Variants in ZNF697 observed in about 807,000 individuals in gnomAD.
ZNF697 encodes the protein zinc finger protein 697.
A neutral mutation model predicts 32.4 loss-of-function variants in ZNF697; 23 were observed. The ratio of observed to expected loss-of-function variants is 0.71; its 90% CI spans 0.51 to 1.01. The LOEUF is 1.01. Among genes scored for constraint, ZNF697 ranks in the 50% least tolerant of loss-of-function variants. The pLI is 0.00. For synonymous variants in ZNF697, 418 were observed against 337.2 expected (o/e 1.24, Z -2.62); for missense variants, 930 against 794.0 (o/e 1.17, Z -2.06).
chr1:119,623,759 C>G lies in ZNF697; in HGVS notation c.584G>C (p.Gly195Ala). Residue 195 changes from glycine (G) to alanine (A), a missense_variant, in exon 3 of 3, where the codon GGG (glycine) becomes GCG (alanine). Transcript: ENST00000421812. ...MDAPTICPDC[G>A]ESFSPGAAFL... The stretch of plus-strand genomic sequence containing the variant: ...GGCGGCGCCAGGACTGAAGCTCTCC[C>G]CGCAGTCGGGGCAGATGGTGGGCGC... 6.5e-7 allele frequency: 1 copy of G among 1,542,372 alleles called. No homozygotes were observed. The highest frequency in any genetic ancestry group is 1.2e-5 in the South Asian group (1 of 83,956).
In ZNF697 at chr1:119,648,171, G is replaced by A. The variant is rs1480618281; in HGVS notation, c.-518C>T. 1.3e-5 allele frequency among the ~76,000 whole-genome samples: 2 copies of A among 149,710 alleles called. No homozygotes were observed. Among genetic ancestry groups the A allele is most frequent in the Non-Finnish European group, 3.0e-5 (2 of 66,956 alleles). ...CCCTTGTGCGGCGGCGGCGGCTGCA[G>A]CGGCCGCTGGGTGGCCCGCTGGCTG... On this transcript the variant is annotated 5_prime_UTR_variant, in exon 1 of 3. Coordinates refer to ENST00000421812, the MANE Select transcript of ZNF697 (RefSeq NM_001080470.2).
rs1352882018 is a variant in ZNF697, at chr1:119,620,056, G to C, written c.*2649C>G. The C allele has an allele frequency of 6.6e-6, 1 of 152,594 alleles. No individual in the cohort carries two copies. The highest frequency in any genetic ancestry group is 2.1e-4 in the South Asian group (1 of 4,820). 9.5% of individuals were successfully genotyped at this position (152,594 alleles called of 1,614,324 possible). On this transcript the variant is annotated 3_prime_UTR_variant, in exon 3 of 3. Transcript: ENST00000421812. ...AATGCATTTAACCTCACTTAATGCA[G>C]GTAAGTTCCCTGAAGAATTGTAAGA...
chr1:119,620,565 A>G lies in ZNF697; in HGVS notation c.*2140T>C, dbSNP rs1325723892. Reference sequence around the variant, plus strand: ...GTCTAATATGTTTAGTATTCAGATTACAAATCAGAATTCAAAACGGACACT... The same window carrying G: ...GTCTAATATGTTTAGTATTCAGATTGCAAATCAGAATTCAAAACGGACACT... On this transcript the variant is annotated 3_prime_UTR_variant, in exon 3 of 3. Coordinates refer to ENST00000421812, the MANE Select transcript of ZNF697 (RefSeq NM_001080470.2). The G allele has an allele frequency of 6.5e-6, 1 of 152,682 alleles. No homozygotes were observed. Among genetic ancestry groups the G allele is most frequent in the Non-Finnish European group, 1.5e-5 (1 of 68,042 alleles). 9.5% of individuals were successfully genotyped at this position (152,682 alleles called of 1,614,324 possible).
At chr1:119,625,778 C>A (rs2101081160) in intron 2 of ZNF697, 97 bp downstream of exon 2, 1 of 1,486,714 alleles carries the variant, frequency 6.7e-7, no homozygotes, top group East Asian at 2.4e-5. Context: ...CTATGGAACT[C>A]CCTTACAGAG....
At chr1:119,640,057 A>C (rs1188808401) in intron 1 of ZNF697, among the ~76,000 whole-genome samples, 2 of 152,206 alleles carry the variant, frequency 1.3e-5, no homozygotes, top group Non-Finnish European at 2.9e-5. Context: ...ACTTTGTATG[A>C]CTTAAGATAC....
At position 119,625,992 on chromosome 1, in the gene ZNF697, T is replaced by G; in HGVS notation, c.109A>C (p.Arg37=). The change falls in exon 2 of 3, where the codon AGA becomes CGA. Residue 37 remains arginine (R), a synonymous_variant. Transcript: ENST00000421812. The part of the protein sequence containing the change: ...SEDREGDPEE[R]EMGSNPHDTN... ...TCATGTGGATTAGAGCCCATTTCTC[T>G]TTCTTCTGGGTCCCCTTCCCTGTCC... 6.2e-7 allele frequency: 1 copy of G among 1,614,048 alleles called. No individual in the cohort carries two copies. The highest frequency in any genetic ancestry group is 8.5e-7 in the Non-Finnish European group (1 of 1,179,904).
intron 1 of ZNF697, among the ~76,000 whole-genome samples, chr1:119,646,758 G>A (rs1346332213): frequency 6.6e-6 from 1 of 152,136 alleles, no homozygotes; most frequent in Non-Finnish European, 1.5e-5. Context: ...ATCAGGTGAG[G>A]GGAGAAAGGA....
rs1307563215 is a variant in ZNF697, at chr1:119,623,770, G to C, written c.573C>G (p.Cys191Trp). 1 of 1,544,258 alleles carries C rather than the reference G, an allele frequency of 6.5e-7. No individual in the cohort carries two copies. Among genetic ancestry groups the C allele is most frequent in the Non-Finnish European group, 8.7e-7 (1 of 1,146,536 alleles). Residue 191 changes from cysteine to tryptophan, a missense_variant, in exon 3 of 3, where the codon TGC (cysteine) becomes TGG (tryptophan). Transcript: ENST00000421812. The stretch of plus-strand genomic sequence containing the variant: ...GACTGAAGCTCTCCCCGCAGTCGGG[G>C]CAGATGGTGGGCGCGTCCATGATGC... Reference protein sequence around the residue: ...VASIMDAPTICPDCGESFSPG... With the variant: ...VASIMDAPTIWPDCGESFSPG...
intron 1 of ZNF697, among the ~76,000 whole-genome samples, chr1:119,639,807 G>A (rs1481941979): frequency 1.3e-5 from 2 of 151,492 alleles, no homozygotes; most frequent in Admixed American, 6.6e-5. Flanking sequence ...GTGCCCAGAA[G>A]GTATTCACAC....
chr1:119,640,165 C>T (rs1316591502), intron 1 of ZNF697, among the ~76,000 whole-genome samples: 2 of 152,206 alleles, frequency 1.3e-5, no homozygotes, highest in Non-Finnish European at 2.9e-5. Flanking sequence ...TACCACCTCC[C>T]AACTGTAAGT....
rs587603793 is a variant in ZNF697 at position 119,622,439 on chromosome 1, A to T, written c.*266T>A. The T allele has an allele frequency of 7.9e-6, 4 of 505,958 alleles. No individual in the cohort carries two copies. Among genetic ancestry groups the T allele is most frequent in the Non-Finnish European group, 1.3e-5 (4 of 317,078 alleles). 31.3% of individuals were successfully genotyped at this position (505,958 alleles called of 1,614,324 possible). A position where few individuals can be genotyped will look rare whatever the true frequency, so the allele number is the denominator to read the frequency against. ...AAGTGCCTGGTCCTCCAAGCTCTTC[A>T]CCCCCTACAGCGTGTATTTAAGGAA... is the stretch of plus-strand genomic sequence containing the variant. On this transcript the variant is annotated 3_prime_UTR_variant, in exon 3 of 3. Transcript: ENST00000421812.
At position 119,624,042 on chromosome 1, in the gene ZNF697, C is replaced by T. The variant is rs375912532; in HGVS notation, c.301G>A (p.Ala101Thr). Residue 101 changes from alanine (A) to threonine (T), a missense_variant, in exon 3 of 3, where the codon GCG becomes ACG. Coordinates refer to ENST00000421812, the MANE Select transcript of ZNF697 (RefSeq NM_001080470.2). Reference protein sequence around the residue: ...EDDQSGVADMAMFPGLSESDS... With the variant: ...EDDQSGVADMTMFPGLSESDS... ...GACTCAGACAGTCCTGGGAACATCG[C>T]CATGTCAGCTACACCGGATTGGTCA... 6.2e-7 allele frequency: 1 copy of T among 1,612,240 alleles called. No individual in the cohort carries two copies. Among genetic ancestry groups the T allele is most frequent in the Non-Finnish European group, 8.5e-7 (1 of 1,179,148 alleles).
In ZNF697 at chr1:119,621,695, T is replaced by G. The variant is rs1648317647; in HGVS notation, c.*1010A>C. 1 of 152,200 alleles carries G rather than the reference T, an allele frequency of 6.6e-6. No individual in the cohort carries two copies. The highest frequency in any genetic ancestry group is 6.5e-5 in the Admixed American group (1 of 15,282). 9.4% of individuals were successfully genotyped at this position (152,200 alleles called of 1,614,324 possible). On this transcript the variant is annotated 3_prime_UTR_variant, in exon 3 of 3. Coordinates refer to ENST00000421812, the MANE Select transcript of ZNF697 (RefSeq NM_001080470.2). ...CAAGGAGTCTCGCATCCCAAAAAAG[T>G]GAACACTTTCTTGGATTTCTCACAT...
chr1:119,640,114 T>A (rs1649028399), intron 1 of ZNF697, among the ~76,000 whole-genome samples: 1 of 152,214 alleles, frequency 6.6e-6, no homozygotes, highest in African/African-American at 2.4e-5. Flanking sequence ...GAATCATACT[T>A]ACAATAATTC....
At chr1:119,637,981 G>GAA (rs1237027300) in intron 1 of ZNF697, among the ~76,000 whole-genome samples, 1 of 151,764 alleles carries the variant, frequency 6.6e-6, no homozygotes, top group Non-Finnish European at 1.5e-5. Flanking sequence ...GAGAGAGAGA[G>GAA]AAAAGAGAGA....
Position 119,625,936 on chromosome 1 carries a change from C to T in ZNF697, c.165G>A (p.Pro55=), listed in dbSNP as rs369741719. 2.4e-5 allele frequency: 39 copies of T among 1,613,840 alleles called. No individual in the cohort carries two copies. The African/African-American group carries it at 2.9e-4, about 12-fold the overall frequency. Residue 55 remains proline, a synonymous_variant, in exon 2 of 3, where the codon CCG becomes CCA. Transcript: ENST00000421812. ...DTNKREGHPE[P]EMGSNPQDSR... is the part of the protein sequence containing the mutation. ...AGTCCTGTGGGTTGGAGCCCATCTC[C>T]GGCTCCGGATGGCCTTCTCTCTTGT...
In ZNF697 at chr1:119,619,882, G is replaced by A. The variant is rs1483345580; in HGVS notation, c.*2823C>T. On this transcript the variant is annotated 3_prime_UTR_variant, in exon 3 of 3. Transcript: ENST00000421812. ...GACTGCTCTTCATCAAATTCTCCAG[G>A]AAACAAATAATACACTTGCTTCCAC... 1 of 152,598 alleles carries A rather than the reference G, an allele frequency of 6.6e-6. No homozygotes were observed. Among genetic ancestry groups the A allele is most frequent in the Non-Finnish European group, 1.5e-5 (1 of 68,032 alleles). The allele number at this position is 152,598 out of a possible 1,614,324, so 9.5% of individuals were successfully genotyped here.
chr1:119,645,397 T>C (rs1199220204), intron 1 of ZNF697, among the ~76,000 whole-genome samples: 2 of 152,232 alleles, frequency 1.3e-5, no homozygotes, highest in African/African-American at 4.8e-5. Context: ...GCAGGTGTCA[T>C]TGAAATAATA....
intron 2 of ZNF697, among the ~76,000 whole-genome samples, chr1:119,625,194 G>T (rs931507752): frequency 2.6e-5 from 4 of 152,114 alleles, no homozygotes; most frequent in Non-Finnish European, 5.9e-5. Flanking sequence ...AGGGAGTCTG[G>T]GACTGTGTCA....
Sources: allele counts gnomAD v4.1 joint callset (sites outside exome capture counted in the v4.1 genomes callset), GRCh38; gene constraint gnomAD v4.1.1; transcripts MANE v1.5; gene names NCBI Gene and HGNC (gene_info 2026-07-23, HGNC 2026-07-21).